The following APBB2 variants were observed in gnomAD, a reference collection of about 807,000 sequenced individuals.
The protein encoded by APBB2 is Fe65-like 1.
Under a neutral mutation model 82.5 loss-of-function variants are expected in APBB2, and 38 were observed. The ratio of observed to expected loss-of-function variants is 0.46; its 90% CI spans 0.36 to 0.60. The LOEUF is 0.60. Ranked by LOEUF, APBB2 falls within the 20% of genes least tolerant of loss-of-function variation. The probability of loss-of-function intolerance (pLI) is 0.00; values close to 1 mark genes in which losing one functional copy is unlikely to be tolerated. For missense variants in APBB2, 772 were observed against 972.3 expected (o/e 0.79, Z 2.74); for synonymous variants, 341 against 368.2 (o/e 0.93, Z 0.85).
At chr4:40,928,396 A>G (rs1578498534) in intron 10 of APBB2, among the ~76,000 whole-genome samples, 1 of 64,878 alleles carries the variant, frequency 1.5e-5, no homozygotes, top group Non-Finnish European at 3.0e-5. Flanking sequence ...AAACACACAC[A>G]CACACACACA....
chr4:41,138,060 G>A (rs7696676), intron 2 of APBB2: 29,656 of 152,036 alleles, frequency 0.2, 3,010 homozygotes, highest in African/African-American at 0.25. Context: ...CCAGTTACTC[G>A]AGAGGCTGAG....
intron 12 of APBB2, among the ~76,000 whole-genome samples, chr4:40,843,862 A>G (rs12508806): frequency 0.25 from 38,605 of 152,126 alleles, 5,379 homozygotes; most frequent in Admixed American, 0.32. Context: ...CAGCTACTAC[A>G]TGGGGAAGAG....
intron 17 of APBB2, among the ~76,000 whole-genome samples, chr4:40,817,821 C>A (rs1229306034): frequency 6.6e-6 from 1 of 152,152 alleles, no homozygotes; most frequent in African/African-American, 2.4e-5. Flanking sequence ...CCTTTCAAAT[C>A]AATCATATGA....
chr4:40,907,400 T>C (rs1252980252), intron 10 of APBB2, among the ~76,000 whole-genome samples: 2 of 107,288 alleles, frequency 1.9e-5, no homozygotes, highest in Non-Finnish European at 3.8e-5. Flanking sequence ...TTTTTTTTTT[T>C]AGACAGAGTC....
At chr4:41,144,976 CG>C (rs1760300764) in intron 1 of APBB2, among the ~76,000 whole-genome samples, 2 of 152,100 alleles carry the variant, frequency 1.3e-5, no homozygotes, top group African/African-American at 4.8e-5. Flanking sequence ...AAAAATTAGC[CG>C]GGCATGTTGG....
At chr4:41,176,827 T>G (rs1219090079) in intron 1 of APBB2, among the ~76,000 whole-genome samples, 1 of 152,130 alleles carries the variant, frequency 6.6e-6, no homozygotes, top group Non-Finnish European at 1.5e-5. Flanking sequence ...AGAAAAAAAT[T>G]TGAGATCTTA....
chr4:40,819,666 G>A (rs531657066), intron 17 of APBB2, among the ~76,000 whole-genome samples: 1 of 152,188 alleles, frequency 6.6e-6, no homozygotes, highest in African/African-American at 2.4e-5. Context: ...GGCCTCTCCT[G>A]TCCTGAAATA....
Position 40,823,706 on chromosome 4 carries a change from C to G in APBB2, c.1870G>C (p.Glu624Gln). ...IENLMTSSNK[E>Q]DWLSVNMNVA... ...TTCATGTTCACTGACAGCCAGTCCT[C>G]CTTGTTGGATGAGGTCATAAGATTT... The change falls in exon 16 of 18, where the codon GAG (glutamate) becomes CAG (glutamine). Residue 624 changes from glutamate to glutamine, a missense_variant. By Grantham distance (29) the Glu-to-Gln change is conservative (BLOSUM62 2). Coordinates refer to ENST00000508593, the MANE Select transcript of APBB2 (RefSeq NM_004307.2). 1 of 1,613,996 alleles carries G rather than the reference C, an allele frequency of 6.2e-7. No individual in the cohort carries two copies. The highest frequency in any genetic ancestry group is 8.5e-7 in the Non-Finnish European group (1 of 1,179,994).
chr4:40,916,488 A>G (rs1779867272), intron 10 of APBB2, among the ~76,000 whole-genome samples: 1 of 152,326 alleles, frequency 6.6e-6, no homozygotes, highest in South Asian at 2.1e-4. Flanking sequence ...GTTCCTCAGT[A>G]TTGGCTGAGC....
intron 1 of APBB2, among the ~76,000 whole-genome samples, chr4:41,192,378 G>A (rs761106277): frequency 2.6e-5 from 4 of 152,080 alleles, no homozygotes; most frequent in Non-Finnish European, 5.9e-5. Context: ...GCCAAGATAC[G>A]GAAACAACCT....
intron 12 of APBB2, among the ~76,000 whole-genome samples, chr4:40,843,201 G>A (rs141814551): frequency 2.7e-4 from 41 of 152,328 alleles, no homozygotes; most frequent in African/African-American, 6.0e-4. Context: ...GATAGATAAC[G>A]AGGAGGAAAG....
chr4:40,830,009 C>T (rs1001136472), intron 13 of APBB2, among the ~76,000 whole-genome samples: 2 of 152,224 alleles, frequency 1.3e-5, no homozygotes, highest in Admixed American at 1.3e-4. Context: ...GGCCCTGCCC[C>T]TGGAAAATCC....
At chr4:40,819,052 G>A (rs930367169) in intron 17 of APBB2, among the ~76,000 whole-genome samples, 2 of 151,762 alleles carry the variant, frequency 1.3e-5, no homozygotes, top group East Asian at 1.9e-4. Context: ...GGGGGGCGGC[G>A]GTCAGAGAAC....
chr4:40,883,036 C>T lies in APBB2; in HGVS notation c.1529+7328G>A, dbSNP rs1769115849. ...TGGTCTGGTGAGGCCAGGACGGCAA[C>T]TGAGGGATGGCAGAGCAACAATCTG... On this transcript the variant is annotated intron_variant, in intron 12 of 17. Transcript: ENST00000508593. Among the ~76,000 whole-genome samples, 3 of 152,120 alleles carry T rather than the reference C, an allele frequency of 2.0e-5. No individual in the cohort carries two copies. In the South Asian group the frequency reaches 6.2e-4, roughly 31 times the overall value.
Position 41,013,541 on chromosome 4 carries a change from A to C in APBB2, c.835+42T>G, listed in dbSNP as rs201053187. On this transcript the variant is annotated intron_variant, in intron 6 of 17. Transcript: ENST00000508593. ...TACTCCAATAGTTGAAAAGATAAAA[A>C]AAAAAAAGTGCCAGCTGAGGCTACG... 6.3e-4 allele frequency: 990 copies of C among 1,562,100 alleles called. 8 individuals carry two copies. The highest frequency in any genetic ancestry group is 8.4e-4 in the Non-Finnish European group (965 of 1,150,994).
At chr4:40,881,984 G>C (rs1316486841) in intron 12 of APBB2, among the ~76,000 whole-genome samples, 2 of 151,508 alleles carry the variant, frequency 1.3e-5, no homozygotes, top group Non-Finnish European at 3.0e-5. Flanking sequence ...ACACTGGCTT[G>C]CTCAGAAAAG....
At chr4:40,934,918 A>C (rs1209581013) in intron 8 of APBB2, 159 bp downstream of exon 8, 1 of 714,044 alleles carries the variant, frequency 1.4e-6, no homozygotes, top group African/African-American at 1.8e-5. Flanking sequence ...GAGACACCAA[A>C]AAAAGGCAAC....
intron 10 of APBB2, among the ~76,000 whole-genome samples, chr4:40,913,361 C>T (rs1443317324): frequency 6.6e-6 from 1 of 152,194 alleles, no homozygotes; most frequent in Non-Finnish European, 1.5e-5. Flanking sequence ...AGCATGCTCC[C>T]TAGGCGGAAT....
chr4:40,938,914 G>A (rs12498513), intron 7 of APBB2, among the ~76,000 whole-genome samples: 27,512 of 152,122 alleles, frequency 0.18, 2,537 homozygotes, highest in Middle Eastern at 0.24. Context: ...TTTAAGAGGC[G>A]CTGCCCTCAT....
Sources: allele counts gnomAD v4.1 joint callset (sites outside exome capture counted in the v4.1 genomes callset), GRCh38; gene constraint gnomAD v4.1.1; transcripts MANE v1.5; gene names NCBI Gene and HGNC (gene_info 2026-07-23, HGNC 2026-07-21).